Variants in ADHFE1 observed in about 807,000 individuals in gnomAD.
The protein encoded by ADHFE1 is hydroxyacid-oxoacid transhydrogenase, mitochondrial.
ADHFE1 carries 37 observed loss-of-function variants against 54.8 expected under a neutral mutation model. The ratio of observed to expected loss-of-function variants is 0.68; its 90% CI spans 0.52 to 0.89. The LOEUF is 0.89. ADHFE1 is among the 40% of genes least tolerant of loss of function. ADHFE1 has a pLI of 0.00. For synonymous variants in ADHFE1, 203 were observed against 229.3 expected (o/e 0.89, Z 1.04); for missense variants, 601 against 591.2 (o/e 1.02, Z -0.17).
intron 5 of ADHFE1, 32 bp downstream of exon 5, chr8:66,444,780 C>G (rs769992779): frequency 4.3e-6 from 7 of 1,611,870 alleles, no homozygotes; most frequent in Non-Finnish European, 5.9e-6. Context: ...TGTTTCTTTA[C>G]TTTAAGCAGA....
chr8:66,457,269 A>T, intron 12 of ADHFE1, 103 bp downstream of exon 12: 1 of 1,051,378 alleles, frequency 9.5e-7, no homozygotes, highest in Non-Finnish European at 1.4e-6. Context: ...ACTTGAGCCC[A>T]GGAGTTCAAG....
intron 1 of ADHFE1, among the ~76,000 whole-genome samples, chr8:66,437,720 G>A (rs1027373053): frequency 6.6e-6 from 1 of 152,212 alleles, no homozygotes; most frequent in Non-Finnish European, 1.5e-5. Flanking sequence ...ATAAAGTTGT[G>A]AGAAACAGTA....
chr8:66,445,946 G>A (rs1806002021), intron 6 of ADHFE1, among the ~76,000 whole-genome samples: 1 of 152,172 alleles, frequency 6.6e-6, no homozygotes, highest in Non-Finnish European at 1.5e-5. Flanking sequence ...ATCCAAATCA[G>A]AATAGCTCAT....
intron 1 of ADHFE1, chr8:66,432,815 CTG>C (rs1805272252): frequency 1.6e-6 from 2 of 1,226,306 alleles, no homozygotes; most frequent in African/African-American, 3.1e-5. Context: ...GTTAAAGAAA[CTG>C]AGGCCCAGAG....
At position 66,444,638 on chromosome 8, in the gene ADHFE1, C is replaced by A; in HGVS notation, c.243C>A (p.Asp81Glu). The A allele has an allele frequency of 6.2e-7, 1 of 1,614,212 alleles. No homozygotes were observed. Among genetic ancestry groups the A allele is most frequent in the South Asian group, 1.1e-5 (1 of 91,080 alleles). ...CTAAAAATGTGTGCTTGATGACAGA[C>A]AAGAACCTCTCCAAGCTCCCTCCTG... ...MGAKNVCLMTDKNLSKLPPVQ... is the reference protein window; with the variant it reads ...MGAKNVCLMTEKNLSKLPPVQ... The change falls in exon 5 of 14, where the codon GAC becomes GAA. Residue 81 changes from aspartate to glutamate, a missense_variant. Asp to Glu is a conservative substitution (Grantham distance 45). Transcript: ENST00000396623.
intron 13 of ADHFE1, among the ~76,000 whole-genome samples, chr8:66,463,019 A>G (rs1227199237): frequency 6.6e-6 from 1 of 151,918 alleles, no homozygotes; most frequent in African/African-American, 2.4e-5. Flanking sequence ...ACGAGGTTTC[A>G]CCATGTTGGC....
chr8:66,448,071 C>T (rs1055485763), intron 7 of ADHFE1, among the ~76,000 whole-genome samples: 2 of 152,192 alleles, frequency 1.3e-5, no homozygotes, highest in African/African-American at 4.8e-5. Flanking sequence ...TCCCTCCAGT[C>T]CTTTTCCCAG....
chr8:66,435,601 A>ATTTTTTTTT (rs533571994), intron 1 of ADHFE1, among the ~76,000 whole-genome samples: 1 of 78,258 alleles, frequency 1.3e-5, no homozygotes. Flanking sequence ...TCATTTCAAG[A>ATTTTTTTTT]TTTTTTTTTT....
rs1807311444 is a variant in ADHFE1 at position 66,468,444 on chromosome 8, C to CATAACTT, written c.*94_*100dup. 1 of 975,412 alleles carries CATAACTT rather than the reference C, an allele frequency of 1.0e-6. No homozygotes were observed. The highest frequency in any genetic ancestry group is 1.5e-6 in the Non-Finnish European group (1 of 669,720). 60.4% of individuals were successfully genotyped at this position (975,412 alleles called of 1,614,324 possible). ...AGGGCTTTGTCTTTTCATCTTTGCG[C>CATAACTT]ATAACTTACCTGTTACCAGTATAGG... On this transcript the variant is annotated 3_prime_UTR_variant, in exon 14 of 14. Transcript: ENST00000396623.
chr8:66,447,091 C>T (rs913257990), intron 6 of ADHFE1, among the ~76,000 whole-genome samples, 173 bp from the exon 7 acceptor site: 13 of 152,112 alleles, frequency 8.5e-5, no homozygotes, highest in South Asian at 2.1e-4. Context: ...AATGCAGACA[C>T]GGACATCATA....
At chr8:66,441,793 G>A (rs1164007774) in intron 2 of ADHFE1, among the ~76,000 whole-genome samples, 1 of 151,854 alleles carries the variant, frequency 6.6e-6, no homozygotes, top group Non-Finnish European at 1.5e-5. Context: ...TCAGCATTGT[G>A]AAACCCCGTC....
chr8:66,444,315 A>G, intron 3 of ADHFE1, 52 bp from the exon 4 acceptor site: 2 of 1,557,304 alleles, frequency 1.3e-6, no homozygotes, highest in Non-Finnish European at 1.8e-6. Context: ...TTAGAAATGG[A>G]CTGGCCAACT....
chr8:66,444,564 G>A, intron 4 of ADHFE1, 30 bp from the exon 5 acceptor site: 1 of 1,613,444 alleles, frequency 6.2e-7, no homozygotes, highest in South Asian at 1.1e-5. Flanking sequence ...TTCTAGTGGA[G>A]TTGAACCTAA....
rs976512257 is a variant in ADHFE1, at chr8:66,449,103, C to T, written c.734+133C>T. ...TCCCTAGCTTTGGCTGTCATTACCC[C>T]CTGTCCTAAATCAAACATTCAAGCT... On this transcript the variant is annotated intron_variant, in intron 8 of 13. Coordinates refer to ENST00000396623, the MANE Select transcript of ADHFE1 (RefSeq NM_144650.3). 3.9e-6 allele frequency: 3 copies of T among 769,456 alleles called. No homozygotes were observed. In the African/African-American group the frequency reaches 5.3e-5, roughly 14 times the overall value. 47.7% of individuals were successfully genotyped at this position (769,456 alleles called of 1,614,324 possible).
intron 1 of ADHFE1, among the ~76,000 whole-genome samples, chr8:66,436,821 A>G (rs774981327): frequency 6.6e-6 from 1 of 152,202 alleles, no homozygotes; most frequent in African/African-American, 2.4e-5. Context: ...AATCATGAAA[A>G]GCAATGAAAA....
At chr8:66,450,963 C>T (rs757318743) in intron 8 of ADHFE1, among the ~76,000 whole-genome samples, 8 of 152,206 alleles carry the variant, frequency 5.3e-5, no homozygotes, top group South Asian at 2.1e-4. Context: ...CTAGGGAAAA[C>T]GAAAACTGTA....
chr8:66,458,354 T>A (rs1268673463), intron 12 of ADHFE1, among the ~76,000 whole-genome samples: 1 of 152,140 alleles, frequency 6.6e-6, no homozygotes, highest in African/African-American at 2.4e-5. Context: ...GTGCTGGGAA[T>A]GTTAATGACA....
chr8:66,452,386 A>C (rs1024654143), intron 9 of ADHFE1, among the ~76,000 whole-genome samples: 1 of 152,218 alleles, frequency 6.6e-6, no homozygotes, highest in Admixed American at 6.5e-5. Flanking sequence ...TTGGCTCCCC[A>C]GGGCAGAAAT....
chr8:66,444,001 A>G (rs1447358952), intron 3 of ADHFE1, among the ~76,000 whole-genome samples: 1 of 152,208 alleles, frequency 6.6e-6, no homozygotes, highest in Non-Finnish European at 1.5e-5. Flanking sequence ...AACATAGAAG[A>G]CAGTAGCATT....
Sources: gnomAD v4.1 joint callset for allele counts (sites outside exome capture counted in the v4.1 genomes callset) on GRCh38, gnomAD v4.1.1 for gene constraint, MANE v1.5 for transcripts, NCBI Gene and HGNC (gene_info 2026-07-23, HGNC 2026-07-21) for gene names.